Variants in CTNNA2 observed in about 807,000 individuals in gnomAD.
The protein encoded by CTNNA2 is catenin alpha-2.
Under a neutral mutation model 101.0 loss-of-function variants are expected in CTNNA2, and 42 were observed. The ratio of observed to expected loss-of-function variants is 0.42; its 90% CI spans 0.32 to 0.54. The LOEUF (loss-of-function observed/expected upper bound fraction) is 0.54, where lower values mean the gene tolerates loss of function less well. Among genes scored for constraint, CTNNA2 ranks in the 20% least tolerant of loss-of-function variants. The probability of loss-of-function intolerance (pLI) is 0.14; values close to 1 mark genes in which losing one functional copy is unlikely to be tolerated. For synonymous variants in CTNNA2, 450 were observed against 456.4 expected (o/e 0.99, Z 0.18); for missense variants, 871 against 1,223.1 (o/e 0.71, Z 4.29).
intron 7 of CTNNA2, among the ~76,000 whole-genome samples, chr2:79,946,416 C>G (rs1688495675): frequency 6.6e-6 from 1 of 152,156 alleles, no homozygotes; most frequent in Non-Finnish European, 1.5e-5. Context: ...AACTGAGAGT[C>G]TATTACTTTA....
chr2:79,507,205 T>G (rs937816741), intron 5 of CTNNA2, among the ~76,000 whole-genome samples: 3 of 152,200 alleles, frequency 2.0e-5, no homozygotes, highest in African/African-American at 7.2e-5. Flanking sequence ...GAAAGTCTCT[T>G]TGAGTTCTAA....
At chr2:79,611,009 G>A (rs1294788760) in intron 1 of CTNNA2, among the ~76,000 whole-genome samples, 1 of 152,084 alleles carries the variant, frequency 6.6e-6, no homozygotes, top group Non-Finnish European at 1.5e-5. Flanking sequence ...ACTGCAAATG[G>A]ATATATGTAG....
At position 79,396,614 on chromosome 2, in the gene CTNNA2, A is replaced by G. The variant is rs1678234569; in HGVS notation, c.-135+22601A>G. Among the ~76,000 whole-genome samples the G allele has an allele frequency of 2.0e-5, 3 of 152,174 alleles. 1 individual carries two copies. The South Asian group carries it at 6.2e-4, about 32-fold the overall frequency. On this transcript the variant is annotated intron_variant, in intron 4 of 21. Coordinates refer to the CTNNA2 transcript ENST00000466387. ...TTTCACTTTTCTAATTGAAAGCTCA[A>G]CATGGATTGATCTCATTTGAAATAA...
intron 4 of CTNNA2, among the ~76,000 whole-genome samples, chr2:79,393,944 C>G (rs1678201814): frequency 6.6e-6 from 1 of 152,100 alleles, no homozygotes; most frequent in South Asian, 2.1e-4. Flanking sequence ...GGCCCCAGTT[C>G]TAACAAAGAG....
At chr2:79,301,515 G>T (rs61454343) in intron 2 of CTNNA2, among the ~76,000 whole-genome samples, 40,453 of 152,014 alleles carry the variant, frequency 0.27, 5,844 homozygotes, top group Middle Eastern at 0.38. Flanking sequence ...TGGACTACAG[G>T]ATTTTTGGTA....
intron 6 of CTNNA2, among the ~76,000 whole-genome samples, chr2:79,893,757 C>A (rs1303205646): frequency 1.3e-5 from 2 of 152,140 alleles, no homozygotes; most frequent in African/African-American, 4.8e-5. Flanking sequence ...CCTAATCCTG[C>A]AGTTTGTTCT....
intron 6 of CTNNA2, among the ~76,000 whole-genome samples, chr2:79,886,053 A>C (rs1480596888): frequency 6.6e-6 from 1 of 152,220 alleles, no homozygotes; most frequent in East Asian, 1.9e-4. Context: ...AAAGGAGAAA[A>C]TACTTAGTAA....
chr2:79,661,303 A>G (rs375507889), intron 2 of CTNNA2, among the ~76,000 whole-genome samples: 3 of 152,368 alleles, frequency 2.0e-5, no homozygotes, highest in East Asian at 3.9e-4. Context: ...CAAGCTAACT[A>G]TATTAACATT....
rs543608446 is a variant in CTNNA2, at chr2:80,039,274, A to G, written c.1056+129477A>G. On this transcript the variant is annotated intron_variant, in intron 7 of 18. Coordinates refer to ENST00000402739, the MANE Select transcript of CTNNA2 (RefSeq NM_001282597.3). The stretch of plus-strand genomic sequence containing the variant: ...ACTGTGCCACTATTTTTCTGGAAGC[A>G]TAAGAGATACCCAGAGCCCTGGGTG... Among the ~76,000 whole-genome samples the G allele has an allele frequency of 6.6e-5, 10 of 152,256 alleles. No individual in the cohort carries two copies. The East Asian group carries it at 1.7e-3, about 27-fold the overall frequency.
intron 1 of CTNNA2, among the ~76,000 whole-genome samples, chr2:79,522,529 T>A (rs1235762062): frequency 6.6e-6 from 1 of 152,154 alleles, no homozygotes; most frequent in African/African-American, 2.4e-5. Context: ...AAATCCAGGC[T>A]GACACAGAAT....
At chr2:79,614,241 T>G (rs552473606) in intron 1 of CTNNA2, among the ~76,000 whole-genome samples, 64 of 152,270 alleles carry the variant, frequency 4.2e-4, no homozygotes, top group African/African-American at 1.4e-3. Flanking sequence ...AGTCAAAATA[T>G]AAGGATAACC....
chr2:80,311,221 G>C (rs1677547603), intron 7 of CTNNA2, among the ~76,000 whole-genome samples: 1 of 152,014 alleles, frequency 6.6e-6, no homozygotes, highest in Non-Finnish European at 1.5e-5. Flanking sequence ...GTTTATTCTA[G>C]AAGTGGAATT....
At chr2:79,238,987 C>T (rs889092503) in intron 2 of CTNNA2, among the ~76,000 whole-genome samples, 1 of 152,082 alleles carries the variant, frequency 6.6e-6, no homozygotes, top group African/African-American at 2.4e-5. Context: ...TTCCAGGGTA[C>T]ATGTACAGGA....
intron 4 of CTNNA2, among the ~76,000 whole-genome samples, chr2:79,392,515 T>C (rs902203184): frequency 6.6e-6 from 1 of 152,236 alleles, no homozygotes; most frequent in Non-Finnish European, 1.5e-5. Context: ...GATCTCCTTA[T>C]GAGTCGTTTT....
intron 7 of CTNNA2, among the ~76,000 whole-genome samples, chr2:80,334,025 G>T (rs1671572271): frequency 6.6e-6 from 1 of 152,204 alleles, no homozygotes; most frequent in Non-Finnish European, 1.5e-5. Context: ...GTTATGCTTA[G>T]CCCATGTGGC....
chr2:79,326,944 G>T (rs1676761416), intron 3 of CTNNA2, among the ~76,000 whole-genome samples: 1 of 152,242 alleles, frequency 6.6e-6, no homozygotes, highest in East Asian at 1.9e-4. Flanking sequence ...AAGAGCATTG[G>T]ATCTGGTGGC....
At chr2:80,212,139 G>C (rs570236617) in intron 7 of CTNNA2, among the ~76,000 whole-genome samples, 73 of 152,198 alleles carry the variant, frequency 4.8e-4, no homozygotes, top group African/African-American at 1.4e-3. Context: ...GGGTTTTCTA[G>C]ATATACAATC....
chr2:79,334,084 G>C (rs1463133756), intron 3 of CTNNA2, among the ~76,000 whole-genome samples: 4 of 152,006 alleles, frequency 2.6e-5, no homozygotes, highest in Non-Finnish European at 5.9e-5. Context: ...TCTTTGTGTT[G>C]GGGACGTTCA....
At chr2:79,825,075 T>G (rs965030324) in intron 3 of CTNNA2, among the ~76,000 whole-genome samples, 4 of 152,028 alleles carry the variant, frequency 2.6e-5, no homozygotes, top group Admixed American at 2.0e-4. Flanking sequence ...TGTAGTCCTA[T>G]CTACTTAGGA....
Sources: gnomAD v4.1 joint callset for allele counts (sites outside exome capture counted in the v4.1 genomes callset) on GRCh38, gnomAD v4.1.1 for gene constraint, MANE v1.5 for transcripts, NCBI Gene and HGNC (gene_info 2026-07-23, HGNC 2026-07-21) for gene names.